The following BRAF variants were observed in gnomAD, a reference collection of about 807,000 sequenced individuals.
BRAF encodes serine/threonine-protein kinase B-raf.
Under a neutral mutation model 104.6 loss-of-function variants are expected in BRAF, and 16 were observed. That is an observed-to-expected ratio of 0.15 (90% CI 0.10 to 0.23). The LOEUF (loss-of-function observed/expected upper bound fraction) is 0.23. Ranked by LOEUF, BRAF falls within the 10% of genes least tolerant of loss-of-function variation. The pLI, the probability that BRAF is intolerant of heterozygous loss-of-function variation, is 1.00. For missense variants in BRAF, 541 were observed against 937.3 expected (o/e 0.58, Z 5.52); for synonymous variants, 310 against 341.6 (o/e 0.91, Z 1.02).
chr7:140,730,195 T>A (rs916699536), intron 19 of BRAF, among the ~76,000 whole-genome samples: 1 of 151,952 alleles, frequency 6.6e-6, no homozygotes, highest in Admixed American at 6.6e-5. Flanking sequence ...TTCCTACCCG[T>A]CTTCTATTTG....
chr7:140,763,982 G>C (rs1275365231), intron 14 of BRAF, among the ~76,000 whole-genome samples: 1 of 152,164 alleles, frequency 6.6e-6, no homozygotes, highest in Non-Finnish European at 1.5e-5. Flanking sequence ...AAGCCAGGCA[G>C]AGACACAACC....
At chr7:140,768,694 A>AAG (rs1799562828) in intron 14 of BRAF, among the ~76,000 whole-genome samples, 1 of 152,056 alleles carries the variant, frequency 6.6e-6, no homozygotes, top group South Asian at 2.1e-4. Context: ...ATGAGGTCTT[A>AAG]CTATGTTGTC....
Position 140,819,203 on chromosome 7 carries a change from T to C in BRAF, c.505-10208A>G, listed in dbSNP as rs149239184. 9.9e-3 allele frequency among the ~76,000 whole-genome samples: 1,501 copies of C among 152,324 alleles called. 25 individuals carry two copies. Among genetic ancestry groups the C allele is most frequent in the African/African-American group, 0.034 (1,415 of 41,562 alleles). ...CAGGTCATTGGTATTTATCTATGAA[T>C]TGCATGTAAAACTATCTATATAAAA... is the stretch of plus-strand genomic sequence containing the variant. On this transcript the variant is annotated intron_variant, in intron 3 of 19. Transcript: ENST00000644969.
At chr7:140,861,184 A>C (rs1810377636) in intron 1 of BRAF, among the ~76,000 whole-genome samples, 1 of 152,222 alleles carries the variant, frequency 6.6e-6, no homozygotes. Context: ...TTGGTAGAAA[A>C]TAAAGGCGCC....
chr7:140,893,867 A>T (rs1195258663), intron 1 of BRAF, among the ~76,000 whole-genome samples: 1 of 152,088 alleles, frequency 6.6e-6, no homozygotes, highest in Non-Finnish European at 1.5e-5. Context: ...GAAATGGGAG[A>T]TGAGGCAGGA....
chr7:140,807,472 T>TAA (rs139960011), intron 5 of BRAF, among the ~76,000 whole-genome samples: 1 of 150,286 alleles, frequency 6.7e-6, no homozygotes, highest in Non-Finnish European at 1.5e-5. Context: ...CCTGTTGAAT[T>TAA]AAAAAAAAAT....
At chr7:140,867,028 T>C (rs1811041589) in intron 1 of BRAF, among the ~76,000 whole-genome samples, 1 of 152,142 alleles carries the variant, frequency 6.6e-6, no homozygotes, top group Admixed American at 6.5e-5. Flanking sequence ...ATAAGATTGC[T>C]CCAGCTTTCA....
intron 11 of BRAF, 91 bp downstream of exon 10, chr7:140,782,930 G>C: frequency 7.0e-7 from 1 of 1,436,698 alleles, no homozygotes; most frequent in East Asian, 2.3e-5. Flanking sequence ...TGTCACATAT[G>C]GACATAATAT....
chr7:140,887,209 A>C (rs1813669757), intron 1 of BRAF, among the ~76,000 whole-genome samples: 1 of 152,230 alleles, frequency 6.6e-6, no homozygotes, highest in African/African-American at 2.4e-5. Context: ...CCACAAGTAA[A>C]TCAACACAAT....
intron 10 of BRAF, among the ~76,000 whole-genome samples, chr7:140,784,261 CATATT>C (rs1265884873): frequency 6.6e-6 from 1 of 152,144 alleles, no homozygotes; most frequent in East Asian, 1.9e-4. Context: ...ATTATTACAT[CATATT>C]ATATCACCAT....
At chr7:140,878,970 G>A (rs1812565081) in intron 1 of BRAF, among the ~76,000 whole-genome samples, 1 of 152,028 alleles carries the variant, frequency 6.6e-6, no homozygotes, top group Non-Finnish European at 1.5e-5. Flanking sequence ...CACCTCCCAG[G>A]TTTAAGCGAT....
At chr7:140,736,346 G>A (rs1266315773) in intron 18 of BRAF, among the ~76,000 whole-genome samples, 1 of 151,908 alleles carries the variant, frequency 6.6e-6, no homozygotes, top group Non-Finnish European at 1.5e-5. Flanking sequence ...TGGGATTACA[G>A]GTGTGAGTCA....
At chr7:140,761,606 G>C (rs922362520) in intron 14 of BRAF, among the ~76,000 whole-genome samples, 2 of 152,136 alleles carry the variant, frequency 1.3e-5, no homozygotes, top group African/African-American at 4.8e-5. Flanking sequence ...ACTGGATAAA[G>C]AGTCAAGACC....
chr7:140,819,222 T>C (rs1176960748), intron 3 of BRAF, among the ~76,000 whole-genome samples: 3 of 152,148 alleles, frequency 2.0e-5, no homozygotes, highest in Non-Finnish European at 4.4e-5. Context: ...AAACTATCTA[T>C]ATAAAAGCAA....
chr7:140,720,791 A>C lies in BRAF; in HGVS notation c.*5703T>G. 1 of 1,066,144 alleles carries C rather than the reference A, an allele frequency of 9.4e-7. No homozygotes were observed. Among genetic ancestry groups the C allele is most frequent in the Non-Finnish European group, 1.1e-6 (1 of 879,814 alleles). 66.0% of individuals were successfully genotyped at this position (1,066,144 alleles called of 1,614,324 possible). A position where few individuals can be genotyped will look rare whatever the true frequency, so the allele number is the denominator to read the frequency against. The stretch of plus-strand genomic sequence containing the variant: ...ACACACGTGGGTTCAAAAACTTAAC[A>C]CAAAAATGCAACGCAGTAATTTTCA... On this transcript the variant is annotated 3_prime_UTR_variant, in exon 20 of 20. Transcript: ENST00000644969.
chr7:140,726,453 CA>C lies in BRAF; in HGVS notation c.*40del. 6.5e-7 allele frequency: 1 copy of C among 1,535,508 alleles called. No individual in the cohort carries two copies. Among genetic ancestry groups the C allele is most frequent in the Non-Finnish European group, 8.7e-7 (1 of 1,146,742 alleles). ...TTGATGTTAACAAATTGTACGAACA[CA>C]AGACTTAAGAAATAAGAGCAGATGC... is the stretch of plus-strand genomic sequence containing the variant. On this transcript the variant is annotated 3_prime_UTR_variant, in exon 20 of 20. Transcript: ENST00000644969.
At chr7:140,835,555 G>A (rs1307215671) in intron 2 of BRAF, 1 of 151,160 alleles carries the variant, frequency 6.6e-6, no homozygotes, top group Non-Finnish European at 1.5e-5. Flanking sequence ...AGTATGCAAA[G>A]CTGTAAGCCT....
intron 3 of BRAF, among the ~76,000 whole-genome samples, chr7:140,816,890 G>C (rs927589956): frequency 6.6e-6 from 1 of 151,702 alleles, no homozygotes; most frequent in African/African-American, 2.4e-5. Context: ...ATTCTTCTAA[G>C]ACCTGGAACA....
intron 2 of BRAF, among the ~76,000 whole-genome samples, chr7:140,845,933 C>T (rs949231875): frequency 4.6e-5 from 7 of 152,142 alleles, no homozygotes; most frequent in Non-Finnish European, 2.9e-5. Flanking sequence ...CCCACCTTAG[C>T]CTCCCAAAGT....
Sources: gnomAD v4.1 joint callset for allele counts (sites outside exome capture counted in the v4.1 genomes callset) on GRCh38, gnomAD v4.1.1 for gene constraint, MANE v1.5 for transcripts, NCBI Gene and HGNC (gene_info 2026-07-23, HGNC 2026-07-21) for gene names.